SMARCD3: variants seen among roughly 807,000 people sequenced by gnomAD.
The protein encoded by SMARCD3 is SWI/SNF related BAF chromatin remodeling complex subunit D3.
Under a neutral mutation model 58.0 loss-of-function variants are expected in SMARCD3, and 14 were observed. The ratio of observed to expected loss-of-function variants is 0.24; its 90% CI spans 0.16 to 0.38. The LOEUF is 0.38. Among genes scored for constraint, SMARCD3 ranks in the 10% least tolerant of loss-of-function variants. SMARCD3 has a pLI of 1.00. For synonymous variants in SMARCD3, 253 were observed against 253.8 expected (o/e 1.00, Z 0.03); for missense variants, 408 against 636.9 (o/e 0.64, Z 3.87).
At chr7:151,248,754 CCCG>C (rs563262664), upstream of SMARCD3, 5,692 of 1,024,312 alleles carry the variant, frequency 5.6e-3, no homozygotes, top group Middle Eastern at 7.7e-3. The surrounding 1 kb of genome is among the most constrained non-coding windows in gnomAD (Gnocchi z 6.1). Context: ...CCGCCGCCCG[CCCG>C]CCGCCGCCGC....
At chr7:151,253,596 G>A (rs920602336), upstream of SMARCD3, among the ~76,000 whole-genome samples, 3 of 125,150 alleles carry the variant, frequency 2.4e-5, no homozygotes, top group Admixed American at 8.4e-5. Flanking sequence ...GGGGCTGGGC[G>A]CTGGGATCTG....
At chr7:151,254,990 G>A (rs998950445) in intron 2 of SMARCD3, among the ~76,000 whole-genome samples, 6 of 152,168 alleles carry the variant, frequency 3.9e-5, no homozygotes, top group Non-Finnish European at 8.8e-5. Flanking sequence ...TAAAACCCCC[G>A]TGGAAGTGCT....
At chr7:151,248,877 C>A (rs1376096766), upstream of SMARCD3, 2 of 178,388 alleles carry the variant, frequency 1.1e-5, no homozygotes, top group African/African-American at 4.8e-5. This position sits in a 1 kb window ranked among gnomAD's most constrained non-coding sequence, Gnocchi z 6.1. Context: ...TCCAAGCCCG[C>A]TGTCCAAACA....
intron 2 of SMARCD3, among the ~76,000 whole-genome samples, chr7:151,262,067 T>C (rs1803935029): frequency 6.6e-6 from 1 of 150,818 alleles, no homozygotes; most frequent in East Asian, 1.9e-4. Flanking sequence ...AGCCACCACA[T>C]GTAGCACATC....
At chr7:151,260,106 A>C (rs957113343) in intron 2 of SMARCD3, among the ~76,000 whole-genome samples, 1 of 152,202 alleles carries the variant, frequency 6.6e-6, no homozygotes, top group African/African-American at 2.4e-5. Flanking sequence ...TCACTGTGCT[A>C]TCACAGGGTG....
At position 151,242,469 on chromosome 7, in the gene SMARCD3, G is replaced by A. The variant is rs943217603; in HGVS notation, c.579+12C>T. The A allele has an allele frequency of 6.2e-7, 1 of 1,611,936 alleles. No homozygotes were observed. The highest frequency in any genetic ancestry group is 8.5e-7 in the Non-Finnish European group (1 of 1,179,798). ...CCCCAGGACACCTGGAGAGACCTGG[G>A]CCGGGACGTACATCATCCAGGAGCT... is the stretch of plus-strand genomic sequence containing the variant. On this transcript the variant is annotated intron_variant, in intron 5 of 12. Coordinates refer to ENST00000262188, the MANE Select transcript of SMARCD3 (RefSeq NM_001003801.2). The surrounding 1 kb of genome is among the most constrained non-coding windows in gnomAD (Gnocchi z 4.7).
intron 2 of SMARCD3, among the ~76,000 whole-genome samples, chr7:151,270,180 A>G (rs1795132309): frequency 6.6e-6 from 1 of 152,160 alleles, no homozygotes; most frequent in Non-Finnish European, 1.5e-5. Flanking sequence ...CTCCCTCACC[A>G]TAGGAATAAC....
At chr7:151,265,491 T>C (rs2150612784) in intron 2 of SMARCD3, among the ~76,000 whole-genome samples, 1 of 152,296 alleles carries the variant, frequency 6.6e-6, no homozygotes, top group African/African-American at 2.4e-5. Context: ...TTTGTTGGGG[T>C]GGCCCTAGTG....
chr7:151,262,997 G>C (rs1377477397), intron 2 of SMARCD3, among the ~76,000 whole-genome samples: 2 of 152,178 alleles, frequency 1.3e-5, no homozygotes, highest in African/African-American at 4.8e-5. Context: ...CTCTTACTGG[G>C]AGCAGCCACT....
rs370637324 is a variant in SMARCD3 at position 151,254,013 on chromosome 7, C to T, written c.40-8342G>A. Among the ~76,000 whole-genome samples, 3 of 152,290 alleles carry T rather than the reference C, an allele frequency of 2.0e-5. No individual in the cohort carries two copies. The East Asian group carries it at 5.8e-4, about 29-fold the overall frequency. ...TTCAGTGGCTTAGATGTGGCTGAAACCCAGGGCAAACACAAGGGGATCGCA... is the reference window on the plus strand; with the variant it reads ...TTCAGTGGCTTAGATGTGGCTGAAATCCAGGGCAAACACAAGGGGATCGCA... On this transcript the variant is annotated intron_variant, in intron 2 of 13. Transcript: ENST00000356800.
intron 2 of SMARCD3, among the ~76,000 whole-genome samples, chr7:151,255,237 C>T (rs1803662546): frequency 6.6e-6 from 1 of 152,188 alleles, no homozygotes. Context: ...CTCTCCCCAG[C>T]CCCTGAAACC....
chr7:151,254,249 G>C (rs957790515), intron 2 of SMARCD3: 2 of 152,466 alleles, frequency 1.3e-5, no homozygotes, highest in African/African-American at 4.8e-5. Flanking sequence ...AAATGCCTGA[G>C]GTGCCAGGGG....
chr7:151,261,816 G>T (rs541756986), intron 2 of SMARCD3, among the ~76,000 whole-genome samples: 16 of 152,234 alleles, frequency 1.1e-4, no homozygotes, highest in Non-Finnish European at 1.9e-4. Context: ...GGGTACAAGC[G>T]AGGGCCGAGC....
intron 2 of SMARCD3, among the ~76,000 whole-genome samples, chr7:151,269,159 G>A (rs1296325917): frequency 6.6e-6 from 1 of 152,198 alleles, no homozygotes; most frequent in Non-Finnish European, 1.5e-5. Context: ...TGCAAGTGAG[G>A]TGATGGTGAA....
At chr7:151,251,731 C>G (rs1448424247), upstream of SMARCD3, among the ~76,000 whole-genome samples, 4 of 151,916 alleles carry the variant, frequency 2.6e-5, no homozygotes, top group Non-Finnish European at 5.9e-5. Context: ...GCCCGGCGCC[C>G]GGCGCCGCAG....
At chr7:151,244,589 T>A (rs1005144886) in intron 2 of SMARCD3, among the ~76,000 whole-genome samples, 6 of 152,324 alleles carry the variant, frequency 3.9e-5, no homozygotes, top group Non-Finnish European at 5.9e-5. Context: ...ATTATCTATG[T>A]GTAACTCTCC....
Position 151,241,395 on chromosome 7 carries a change from C to T in SMARCD3, c.939+97G>A, listed in dbSNP as rs1483341087. The T allele has an allele frequency of 3.8e-6, 4 of 1,041,972 alleles. No individual in the cohort carries two copies. The East Asian group carries it at 1.0e-4, about 26-fold the overall frequency. The allele number at this position is 1,041,972 out of a possible 1,614,324, so 64.5% of individuals were successfully genotyped here. On this transcript the variant is annotated intron_variant, in intron 8 of 12. Transcript: ENST00000262188. The surrounding 1 kb of genome is among the most constrained non-coding windows in gnomAD (Gnocchi z 5.3). ...TGTACTGCTTCTGCTACTCAGGAATCTAGAAGGGAGGGGTGGTAGTTACCT... is the reference window on the plus strand; with the variant it reads ...TGTACTGCTTCTGCTACTCAGGAATTTAGAAGGGAGGGGTGGTAGTTACCT...
In SMARCD3 at chr7:151,242,708, C is replaced by T. The variant is rs1435775237; in HGVS notation, c.456+13G>A. ...AACTCTAGAGTCCCCTTCCTACCCCCGAACTAAGGCACCTTCATGGGCCTC... is the reference window on the plus strand; with the variant it reads ...AACTCTAGAGTCCCCTTCCTACCCCTGAACTAAGGCACCTTCATGGGCCTC... On this transcript the variant is annotated intron_variant, in intron 4 of 12. Coordinates refer to ENST00000262188, the MANE Select transcript of SMARCD3 (RefSeq NM_001003801.2). The surrounding 1 kb of genome is among the most constrained non-coding windows in gnomAD (Gnocchi z 4.7). The T allele has an allele frequency of 6.8e-6, 11 of 1,613,964 alleles. No homozygotes were observed. The highest frequency in any genetic ancestry group is 1.1e-5 in the South Asian group (1 of 91,074).
intron 2 of SMARCD3, among the ~76,000 whole-genome samples, chr7:151,255,353 G>A (rs1803666419): frequency 6.6e-6 from 1 of 152,208 alleles, no homozygotes; most frequent in Non-Finnish European, 1.5e-5. Flanking sequence ...CCTTCCAGCA[G>A]TGGCTCGACC....
Sources: gnomAD v4.1 joint callset for allele counts (sites outside exome capture counted in the v4.1 genomes callset) on GRCh38, gnomAD v4.1.1 for gene constraint, Gnocchi (gnomAD v3.1) non-coding constraint, MANE v1.5 for transcripts, NCBI Gene and HGNC (gene_info 2026-07-23, HGNC 2026-07-21) for gene names.